MDGA2: variants seen among roughly 807,000 people sequenced by gnomAD.
MDGA2 encodes MAM domain-containing glycosylphosphatidylinositol anchor protein 2.
A neutral mutation model predicts 117.8 loss-of-function variants in MDGA2; 40 were observed. The ratio of observed to expected loss-of-function variants is 0.34; its 90% CI spans 0.26 to 0.44. MDGA2 has a LOEUF of 0.44. Among genes scored for constraint, MDGA2 ranks in the 20% least tolerant of loss-of-function variants. MDGA2 has a pLI of 1.00. For missense variants in MDGA2, 1,123 were observed against 1,250.6 expected (o/e 0.90, Z 1.54); for synonymous variants, 452 against 439.0 (o/e 1.03, Z -0.37).
chr14:46,932,787 C>A (rs1429094460), intron 9 of MDGA2, among the ~76,000 whole-genome samples: 1 of 151,816 alleles, frequency 6.6e-6, no homozygotes, highest in Non-Finnish European at 1.5e-5. Context: ...TTAGTAATTA[C>A]TTCATCCTTA....
chr14:47,243,487 G>T (rs1887135743), intron 2 of MDGA2, among the ~76,000 whole-genome samples: 1 of 151,650 alleles, frequency 6.6e-6, no homozygotes, highest in Non-Finnish European at 1.5e-5. Context: ...GGTCCACGCT[G>T]CTTTTATGAG....
chr14:47,042,312 G>GTTTTTT (rs748830079), intron 7 of MDGA2, among the ~76,000 whole-genome samples: 4 of 130,006 alleles, frequency 3.1e-5, no homozygotes, highest in Non-Finnish European at 3.3e-5. Flanking sequence ...CCAAATCTAT[G>GTTTTTT]TTTTTTTTTT....
chr14:47,634,774 G>A (rs564019741), intron 1 of MDGA2, among the ~76,000 whole-genome samples: 1 of 152,098 alleles, frequency 6.6e-6, no homozygotes, highest in East Asian at 1.9e-4. Flanking sequence ...TTTACTTTGT[G>A]ACAAATGAAA....
At chr14:47,544,593 GT>G (rs1895421843) in intron 1 of MDGA2, among the ~76,000 whole-genome samples, 1 of 152,098 alleles carries the variant, frequency 6.6e-6, no homozygotes, top group African/African-American at 2.4e-5. Flanking sequence ...CTATTGGTTG[GT>G]TTATTTTTTG....
chr14:47,174,176 T>A (rs1048243494), intron 3 of MDGA2, among the ~76,000 whole-genome samples: 7 of 152,084 alleles, frequency 4.6e-5, no homozygotes, highest in African/African-American at 1.7e-4. Context: ...CAAAGAGACT[T>A]AGACTCCCAC....
At chr14:47,519,100 A>G (rs1349271558) in intron 1 of MDGA2, among the ~76,000 whole-genome samples, 2 of 152,056 alleles carry the variant, frequency 1.3e-5, no homozygotes, top group Non-Finnish European at 2.9e-5. Flanking sequence ...GCTACTTGGG[A>G]GGCTGAGGCA....
At chr14:47,156,936 A>G (rs1390756218) in intron 3 of MDGA2, among the ~76,000 whole-genome samples, 2 of 152,208 alleles carry the variant, frequency 1.3e-5, no homozygotes, top group African/African-American at 4.8e-5. Context: ...GCTCATAACA[A>G]TAGATAACGC....
At chr14:47,282,142 T>C (rs141017383) in intron 2 of MDGA2, among the ~76,000 whole-genome samples, 47 of 152,276 alleles carry the variant, frequency 3.1e-4, no homozygotes, top group African/African-American at 1.1e-3. Flanking sequence ...TGCTAGACTC[T>C]TTATTATCAT....
At chr14:47,542,789 T>A (rs1895379047) in intron 1 of MDGA2, among the ~76,000 whole-genome samples, 1 of 152,264 alleles carries the variant, frequency 6.6e-6, no homozygotes, top group African/African-American at 2.4e-5. Context: ...CTACTTTATA[T>A]ACATTTTAGT....
intron 5 of MDGA2, among the ~76,000 whole-genome samples, chr14:47,103,417 A>T (rs1880452447): frequency 6.6e-6 from 1 of 152,230 alleles, no homozygotes; most frequent in Non-Finnish European, 1.5e-5. Context: ...AACTCAAAAT[A>T]ATCTACCCAT....
intron 5 of MDGA2, among the ~76,000 whole-genome samples, chr14:47,104,975 G>A (rs12893297): frequency 0.49 from 74,718 of 151,748 alleles, 18,422 homozygotes; most frequent in East Asian, 0.55. Flanking sequence ...AAAGAGACAT[G>A]TTTTATCTGT....
chr14:47,271,496 A>C (rs142947074), intron 2 of MDGA2, among the ~76,000 whole-genome samples: 4 of 152,186 alleles, frequency 2.6e-5, no homozygotes, highest in South Asian at 2.1e-4. Context: ...AGAATTGCGT[A>C]TAAGTAGAAC....
chr14:47,494,265 A>G (rs936785052), intron 1 of MDGA2, among the ~76,000 whole-genome samples: 1 of 152,200 alleles, frequency 6.6e-6, no homozygotes, highest in African/African-American at 2.4e-5. Flanking sequence ...ACATTGTGTA[A>G]CACATGAAAT....
chr14:47,023,197 G>GCAAAA (rs1435992503), intron 8 of MDGA2, among the ~76,000 whole-genome samples: 13 of 69,610 alleles, frequency 1.9e-4, no homozygotes, highest in African/African-American at 3.0e-4. Context: ...ATTCCCACTC[G>GCAAAA]TAAAAAAAAA....
intron 1 of MDGA2, among the ~76,000 whole-genome samples, chr14:47,446,788 G>A (rs1358892032): frequency 6.6e-6 from 1 of 151,886 alleles, no homozygotes; most frequent in African/African-American, 2.4e-5. Flanking sequence ...TTTAAAAAAA[G>A]TAAAAGACAG....
chr14:47,477,063 G>A (rs1424806197), intron 1 of MDGA2, among the ~76,000 whole-genome samples: 1 of 152,224 alleles, frequency 6.6e-6, no homozygotes, highest in Non-Finnish European at 1.5e-5. Flanking sequence ...TGGGGAGGTT[G>A]AGGCAGGAGA....
chr14:47,253,782 C>T (rs889725933), intron 2 of MDGA2, among the ~76,000 whole-genome samples: 18 of 152,228 alleles, frequency 1.2e-4, no homozygotes, highest in Non-Finnish European at 2.2e-4. Flanking sequence ...TCCACATTTC[C>T]CTTCCACACT....
intron 2 of MDGA2, among the ~76,000 whole-genome samples, chr14:47,254,634 G>T (rs1887557951): frequency 6.6e-6 from 1 of 152,116 alleles, no homozygotes; most frequent in African/African-American, 2.4e-5. Flanking sequence ...TTTCTAGGAA[G>T]TTCCAATCTT....
At chr14:47,094,855 T>TA (rs1594613929) in intron 6 of MDGA2, among the ~76,000 whole-genome samples, 1 of 151,940 alleles carries the variant, frequency 6.6e-6, no homozygotes, top group African/African-American at 2.4e-5. Context: ...ATTTCTCTTT[T>TA]AAAAAAATGG....
Sources: allele counts gnomAD v4.1 joint callset (sites outside exome capture counted in the v4.1 genomes callset), GRCh38; gene constraint gnomAD v4.1.1; transcripts MANE v1.5; gene names NCBI Gene and HGNC (gene_info 2026-07-23, HGNC 2026-07-21).